The following CAMK1D variants were observed in gnomAD, a reference collection of about 807,000 sequenced individuals.
CAMK1D encodes calcium/calmodulin dependent protein kinase ID.
Under a neutral mutation model 47.7 loss-of-function variants are expected in CAMK1D, and 9 were observed. The ratio of observed to expected loss-of-function variants is 0.19; its 90% CI spans 0.11 to 0.33. The LOEUF (loss-of-function observed/expected upper bound fraction) is 0.33. CAMK1D is among the 10% of genes least tolerant of loss of function. The pLI is 1.00. For synonymous variants in CAMK1D, 184 were observed against 184.9 expected, an observed-to-expected ratio of 0.99 and a Z score of 0.04; for missense variants, 291 against 488.7, an observed-to-expected ratio of 0.60 and a Z score of 3.81.
At chr10:12,491,604 C>T (rs138568545) in intron 1 of CAMK1D, among the ~76,000 whole-genome samples, 1,803 of 152,126 alleles carry the variant, frequency 0.012, 47 homozygotes, top group African/African-American at 0.042. Flanking sequence ...CAGGTTGTGC[C>T]TGCCTTTCCT....
intron 2 of CAMK1D, among the ~76,000 whole-genome samples, chr10:12,563,229 C>G (rs1283126896): frequency 6.6e-6 from 1 of 152,130 alleles, no homozygotes; most frequent in Non-Finnish European, 1.5e-5. Flanking sequence ...GCGGCACGCA[C>G]CTATACCTGC....
intron 3 of CAMK1D, among the ~76,000 whole-genome samples, chr10:12,748,630 A>C (rs1329472512): frequency 6.6e-6 from 1 of 152,222 alleles, no homozygotes; most frequent in African/African-American, 2.4e-5. Context: ...CTAGTCCCAC[A>C]GCTCACCAGA....
intron 1 of CAMK1D, among the ~76,000 whole-genome samples, chr10:12,514,186 C>A (rs2132169847): frequency 6.6e-6 from 1 of 152,316 alleles, no homozygotes. Context: ...TAGCAACCAG[C>A]TGTTTTATCT....
intron 3 of CAMK1D, among the ~76,000 whole-genome samples, chr10:12,739,626 A>G (rs1835342817): frequency 6.6e-6 from 1 of 152,058 alleles, no homozygotes; most frequent in South Asian, 2.1e-4. Flanking sequence ...CTTAGAAAAA[A>G]AAGATTGAGA....
At chr10:12,458,084 G>T (rs1833309986) in intron 1 of CAMK1D, among the ~76,000 whole-genome samples, 1 of 152,038 alleles carries the variant, frequency 6.6e-6, no homozygotes, top group African/African-American at 2.4e-5. Context: ...GAGAGTGAAG[G>T]TGGTTGACTG....
chr10:12,732,173 G>A (rs147809041), intron 3 of CAMK1D, among the ~76,000 whole-genome samples: 6,942 of 152,150 alleles, frequency 0.046, 449 homozygotes, highest in African/African-American at 0.14. Flanking sequence ...CCTGGGAGGC[G>A]GAGGTTGCAG....
At chr10:12,526,738 C>G (rs1038516612) in intron 1 of CAMK1D, among the ~76,000 whole-genome samples, 4 of 151,692 alleles carry the variant, frequency 2.6e-5, no homozygotes, top group African/African-American at 9.7e-5. Flanking sequence ...GGCAATGTGG[C>G]GAAGCCCCAT....
intron 1 of CAMK1D, among the ~76,000 whole-genome samples, chr10:12,511,623 A>G (rs1357802110): frequency 6.6e-6 from 1 of 152,004 alleles, no homozygotes; most frequent in Non-Finnish European, 1.5e-5. Flanking sequence ...AAAACGAACA[A>G]ACAAACAAAA....
chr10:12,428,271 T>C (rs1840319737), intron 1 of CAMK1D, among the ~76,000 whole-genome samples: 2 of 152,104 alleles, frequency 1.3e-5, no homozygotes, highest in African/African-American at 4.8e-5. Flanking sequence ...AAGAGTTGGG[T>C]TGTGTCCATC....
At chr10:12,447,957 T>G (rs1832968439) in intron 1 of CAMK1D, among the ~76,000 whole-genome samples, 1 of 152,204 alleles carries the variant, frequency 6.6e-6, no homozygotes, top group Non-Finnish European at 1.5e-5. Context: ...ATTCAAGTGA[T>G]TGTCCTGCCT....
intron 2 of CAMK1D, among the ~76,000 whole-genome samples, chr10:12,650,680 C>A (rs575504622): frequency 6.6e-6 from 1 of 152,318 alleles, no homozygotes; most frequent in South Asian, 2.1e-4. Context: ...CCACTCCACC[C>A]GCCCCAATCT....
chr10:12,475,935 G>T (rs529930762), intron 1 of CAMK1D, among the ~76,000 whole-genome samples: 1 of 152,036 alleles, frequency 6.6e-6, no homozygotes, highest in Non-Finnish European at 1.5e-5. Context: ...TGATTTGAGC[G>T]CAGCGTAGGA....
At chr10:12,670,435 T>C (rs1178234960) in intron 3 of CAMK1D, among the ~76,000 whole-genome samples, 1 of 152,164 alleles carries the variant, frequency 6.6e-6, no homozygotes, top group Non-Finnish European at 1.5e-5. Context: ...ACATGTAATA[T>C]GAATATTTTC....
intron 1 of CAMK1D, among the ~76,000 whole-genome samples, chr10:12,511,197 A>G (rs1835028738): frequency 6.6e-6 from 1 of 152,130 alleles, no homozygotes; most frequent in African/African-American, 2.4e-5. Context: ...GCCTTTATGG[A>G]TTACCATGCA....
intron 3 of CAMK1D, among the ~76,000 whole-genome samples, chr10:12,674,192 A>T (rs1373501790): frequency 6.6e-6 from 1 of 152,194 alleles, no homozygotes; most frequent in African/African-American, 2.4e-5. Flanking sequence ...CAATCCTCCC[A>T]GTCTCCCAAA....
At position 12,816,297 on chromosome 10, in the gene CAMK1D, T is replaced by TA. The variant is rs1317342449; in HGVS notation, c.803dup (p.Tyr268Ter). The TA allele has an allele frequency of 6.2e-7, 1 of 1,613,880 alleles. No homozygotes were observed. Among genetic ancestry groups the TA allele is most frequent in the Non-Finnish European group, 8.5e-7 (1 of 1,179,890 alleles). The change falls in exon 8 of 11, where the codon TAC becomes TAAC. Residue 268 changes from tyrosine (Y) to a stop codon, truncating the protein, a stop_gained and frameshift_variant. Coordinates refer to ENST00000619168, the MANE Select transcript of CAMK1D (RefSeq NM_153498.4). LOFTEE classifies it high-confidence loss of function. Reference sequence around the variant, plus strand: ...GATGGAGAAGGACCCGAATAAAAGATACACGTGTGAGCAGGCAGCTCGGCA... The same window carrying TA: ...GATGGAGAAGGACCCGAATAAAAGATAACACGTGTGAGCAGGCAGCTCGGCA... ...NLMEKDPNKR[Y>*]TCEQAARHPW...
At chr10:12,520,074 C>T (rs1835355831) in intron 1 of CAMK1D, among the ~76,000 whole-genome samples, 1 of 83,816 alleles carries the variant, frequency 1.2e-5, no homozygotes, top group Non-Finnish European at 2.5e-5. Context: ...GGGCTGACCC[C>T]CCCCCACCTC....
At chr10:12,792,661 C>T (rs1382258300) in intron 6 of CAMK1D, among the ~76,000 whole-genome samples, 15 of 152,102 alleles carry the variant, frequency 9.9e-5, no homozygotes, top group Admixed American at 9.2e-4. Context: ...TTCAGCTGGG[C>T]TGCATTTGTA....
intron 1 of CAMK1D, among the ~76,000 whole-genome samples, chr10:12,434,859 T>C (rs888719465): frequency 6.6e-6 from 1 of 152,128 alleles, no homozygotes; most frequent in Non-Finnish European, 1.5e-5. Flanking sequence ...AGGCTGGCCC[T>C]TGGGCATGAC....
Sources: gnomAD v4.1 joint callset for allele counts (sites outside exome capture counted in the v4.1 genomes callset) on GRCh38, gnomAD v4.1.1 for gene constraint, MANE v1.5 for transcripts, NCBI Gene and HGNC (gene_info 2026-07-23, HGNC 2026-07-21) for gene names.